The following SAP30L variants were observed in gnomAD, a reference collection of about 807,000 sequenced individuals.
SAP30L encodes the protein SAP30 like, also known as histone deacetylase complex subunit SAP30L.
Under a neutral mutation model 22.3 loss-of-function variants are expected in SAP30L, and 10 were observed. The ratio of observed to expected loss-of-function variants is 0.45; its 90% CI spans 0.28 to 0.76. The LOEUF is 0.76. Among genes scored for constraint, SAP30L ranks in the 30% least tolerant of loss-of-function variants. SAP30L has a pLI of 0.14. For missense variants in SAP30L, 206 were observed against 237.9 expected, an observed-to-expected ratio of 0.87 and a Z score of 0.88; for synonymous variants, 91 against 94.1, an observed-to-expected ratio of 0.97 and a Z score of 0.19.
rs181635579 is a variant in SAP30L at position 154,459,486 on chromosome 5, C to A, written c.*3458C>A. 1.1e-4 allele frequency: 17 copies of A among 152,362 alleles called. No homozygotes were observed. The East Asian group carries it at 2.9e-3, about 26-fold the overall frequency. 9.4% of individuals were successfully genotyped at this position (152,362 alleles called of 1,614,324 possible). On this transcript the variant is annotated 3_prime_UTR_variant, in exon 4 of 4. Transcript: ENST00000297109. ...CAAAGCACCTAATTGCTGGCACTGT[C>A]CCAAAGCATAGCGTTTGCCTTTTGG...
chr5:154,446,501 G>T lies in SAP30L; in HGVS notation c.-104G>T. On this transcript the variant is annotated 5_prime_UTR_variant, in exon 1 of 4. Transcript: ENST00000297109. ...CGCCCGGGCTGGAGACGGACTCTGG[G>T]ACCCTCGGCTGCGGGGGTCTCAGCG... 1 of 974,152 alleles carries T rather than the reference G, an allele frequency of 1.0e-6. No individual in the cohort carries two copies. The highest frequency in any genetic ancestry group is 1.4e-6 in the Non-Finnish European group (1 of 712,498). 60.3% of individuals were successfully genotyped at this position (974,152 alleles called of 1,614,324 possible).
chr5:154,446,499 G>A lies in SAP30L; in HGVS notation c.-106G>A. 2.1e-6 allele frequency: 2 copies of A among 957,984 alleles called. No homozygotes were observed. The highest frequency in any genetic ancestry group is 2.9e-6 in the Non-Finnish European group (2 of 698,008). The allele number at this position is 957,984 out of a possible 1,614,324, so 59.3% of individuals were successfully genotyped here. On this transcript the variant is annotated 5_prime_UTR_variant, in exon 1 of 4. Coordinates refer to ENST00000297109, the MANE Select transcript of SAP30L (RefSeq NM_024632.6). ...AGCGCCCGGGCTGGAGACGGACTCT[G>A]GGACCCTCGGCTGCGGGGGTCTCAG...
chr5:154,450,963 G>A, intron 1 of SAP30L, 128 bp from the exon 2 acceptor site: 7 of 961,684 alleles, frequency 7.3e-6, no homozygotes, highest in Non-Finnish European at 1.1e-5. Context: ...GGGAATGATG[G>A]CCTACATCTT....
In SAP30L at chr5:154,456,021, TTGAG is replaced by T. The variant is rs761434450; in HGVS notation, c.550_*1del. The T allele has an allele frequency of 6.2e-7, 1 of 1,613,794 alleles. No homozygotes were observed. Among genetic ancestry groups the T allele is most frequent in the South Asian group, 1.1e-5 (1 of 91,028 alleles). ...CAGAAATCGGAGGGTGGCAAGCAGC[TTGAG>T]TGAGGATGAAGCACATCTTAAAGGA... On this transcript the variant is annotated frameshift_variant, in exon 4 of 4. Coordinates refer to ENST00000297109, the MANE Select transcript of SAP30L (RefSeq NM_024632.6). LOFTEE classifies it high-confidence loss of function.
Position 154,457,510 on chromosome 5 carries a change from C to T in SAP30L, c.*1482C>T, listed in dbSNP as rs1757288449. The T allele has an allele frequency of 1.3e-5, 2 of 152,326 alleles. No individual in the cohort carries two copies. The highest frequency in any genetic ancestry group is 2.9e-5 in the Non-Finnish European group (2 of 68,034). 9.4% of individuals were successfully genotyped at this position (152,326 alleles called of 1,614,324 possible). On this transcript the variant is annotated 3_prime_UTR_variant, in exon 4 of 4. Transcript: ENST00000297109. ...AGATGACTTAATCTGAGCACCATCA[C>T]AGAGAAGTCAGGACTAAACCCCCTA...
At chr5:154,455,138 G>A (rs1757236432) in intron 3 of SAP30L, among the ~76,000 whole-genome samples, 1 of 152,072 alleles carries the variant, frequency 6.6e-6, no homozygotes. Context: ...GGCTGGTCTC[G>A]GACTCCTGAC....
In SAP30L at chr5:154,446,780, A is replaced by G; in HGVS notation, c.176A>G (p.Lys59Arg). ...GTCCAGAAGAGCATCTCGCAGAAGA[A>G]ACTCAAGCTGGACATCGACAAGAGC... The part of the protein sequence containing the change: ...KRVQKSISQK[K>R]LKLDIDKSVR... The change falls in exon 1 of 4, where the codon AAA becomes AGA. Residue 59 changes from lysine to arginine, a missense_variant. Lys to Arg is a conservative substitution (Grantham distance 26, BLOSUM62 2). Transcript: ENST00000297109. The G allele has an allele frequency of 1.9e-6, 3 of 1,603,798 alleles. No individual in the cohort carries two copies. The highest frequency in any genetic ancestry group is 2.5e-6 in the Non-Finnish European group (3 of 1,176,686).
At chr5:154,453,288 T>C in intron 2 of SAP30L, 114 bp from the exon 3 acceptor site, 1 of 714,162 alleles carries the variant, frequency 1.4e-6, no homozygotes, top group Non-Finnish European at 2.5e-6. Flanking sequence ...AGACCTCTTT[T>C]GAAGCCCTCC....
chr5:154,450,038 C>CT (rs575887064), intron 1 of SAP30L, among the ~76,000 whole-genome samples: 55 of 152,360 alleles, frequency 3.6e-4, no homozygotes, highest in Admixed American at 6.5e-4. Context: ...TTACTTTTAT[C>CT]TTTAAGGATT....
intron 1 of SAP30L, among the ~76,000 whole-genome samples, chr5:154,449,323 C>CT (rs1757090978): frequency 6.6e-6 from 1 of 151,514 alleles, no homozygotes; most frequent in African/African-American, 2.4e-5. Context: ...AAGACATGTA[C>CT]TGGGGGGGCA....
rs1425609087 is a variant in SAP30L, at chr5:154,460,768, G to C, written c.*4740G>C. 1 of 152,188 alleles carries C rather than the reference G, an allele frequency of 6.6e-6. No homozygotes were observed. Among genetic ancestry groups the C allele is most frequent in the Non-Finnish European group, 1.5e-5 (1 of 68,044 alleles). The allele number at this position is 152,188 out of a possible 1,614,324, so 9.4% of individuals were successfully genotyped here. A position where few individuals can be genotyped will look rare whatever the true frequency, so the allele number is the denominator to read the frequency against. On this transcript the variant is annotated 3_prime_UTR_variant, in exon 4 of 4. Transcript: ENST00000297109. Reference sequence around the variant, plus strand: ...TCTATTGTCTGCTACGCTCATCAGAGTATATTTTGGGGTACAAGGTTTTGG... The same window carrying C: ...TCTATTGTCTGCTACGCTCATCAGACTATATTTTGGGGTACAAGGTTTTGG...
In SAP30L at chr5:154,455,999, A is replaced by G. The variant is rs763874738; in HGVS notation, c.523A>G (p.Lys175Glu). Residue 175 changes from lysine to glutamate, a missense_variant, in exon 4 of 4, where the codon AAA becomes GAA. Lys to Glu is a moderately conservative substitution (Grantham distance 56). Transcript: ENST00000297109. Reference protein sequence around the residue: ...VKSNKSRLDQKSEGGKQLE With the variant: ...VKSNKSRLDQESEGGKQLE ...GAGTAACAAGAGTAGACTGGACCAG[A>G]AATCGGAGGGTGGCAAGCAGCTTGA... The G allele has an allele frequency of 3.1e-6, 5 of 1,613,978 alleles. No individual in the cohort carries two copies. The highest frequency in any genetic ancestry group is 4.2e-6 in the Non-Finnish European group (5 of 1,179,962).
Position 154,446,669 on chromosome 5 carries a change from C to T in SAP30L, c.65C>T (p.Ala22Val). 2 of 1,555,344 alleles carry T rather than the reference C, an allele frequency of 1.3e-6. No homozygotes were observed. The highest frequency in any genetic ancestry group is 2.4e-5 in the East Asian group (1 of 41,006). ...EGPPAAPAAA[A>V]PGYGQSCCLI... ...CCCCCCGCCGCCCCAGCTGCCGCCG[C>T]CCCGGGCTACGGCCAGAGCTGCTGC... The change falls in exon 1 of 4, where the codon GCC (alanine) becomes GTC (valine). Residue 22 changes from alanine to valine, a missense_variant. This residue lies in a region of SAP30L where 70 missense variants were observed against 50.5 expected (regional missense o/e 1.39). Transcript: ENST00000297109.
rs1561705979 is a variant in SAP30L at position 154,460,033 on chromosome 5, G to C, written c.*4005G>C. ...ATGGCATTATCAGAACCAACCTCTG[G>C]CCCTCTTGACCTGTCTAGCATTCTT... is the stretch of plus-strand genomic sequence containing the variant. On this transcript the variant is annotated 3_prime_UTR_variant, in exon 4 of 4. Transcript: ENST00000297109. 1 of 152,158 alleles carries C rather than the reference G, an allele frequency of 6.6e-6. No homozygotes were observed. Among genetic ancestry groups the C allele is most frequent in the Non-Finnish European group, 1.5e-5 (1 of 68,040 alleles). The allele number at this position is 152,158 out of a possible 1,614,324, so 9.4% of individuals were successfully genotyped here.
At chr5:154,450,967 A>T in intron 1 of SAP30L, 124 bp from the exon 2 acceptor site, 1 of 1,007,962 alleles carries the variant, frequency 9.9e-7, no homozygotes. Flanking sequence ...ATGATGGCCT[A>T]CATCTTGTCT....
chr5:154,452,942 A>C (rs1280790985), intron 2 of SAP30L: 1 of 154,476 alleles, frequency 6.5e-6, no homozygotes, highest in Non-Finnish European at 1.4e-5. Flanking sequence ...TCTTCCCAAC[A>C]ACCACCACCA....
intron 3 of SAP30L, among the ~76,000 whole-genome samples, chr5:154,454,772 A>G (rs757474606): frequency 6.6e-6 from 1 of 152,228 alleles, no homozygotes; most frequent in Non-Finnish European, 1.5e-5. Context: ...CTCATTACTT[A>G]TGGAATGAAG....
rs1173001811 is a variant in SAP30L, at chr5:154,451,088, C to A, written c.202-3C>A. 1 of 1,613,796 alleles carries A rather than the reference C, an allele frequency of 6.2e-7. No individual in the cohort carries two copies. Among genetic ancestry groups the A allele is most frequent in the Non-Finnish European group, 8.5e-7 (1 of 1,179,906 alleles). On this transcript the variant is annotated splice_region_variant and splice_polypyrimidine_tract_variant and intron_variant, in intron 1 of 3. Transcript: ENST00000297109. ...CTCTGACTTTGATTTTTGTCTCCAT[C>A]AGGTAAGGCACCTATATATCTGTGA...
At chr5:154,446,917 C>G (rs1037640692) in intron 1 of SAP30L, 112 bp downstream of exon 1, 3 of 869,294 alleles carry the variant, frequency 3.5e-6, no homozygotes, top group South Asian at 1.6e-5. Context: ...CTCGCCGCCC[C>G]GGCTCTGCAG....
Sources: allele counts gnomAD v4.1 joint callset (sites outside exome capture counted in the v4.1 genomes callset), GRCh38; gene constraint gnomAD v4.1.1; regional missense constraint gnomAD v4.1.1; transcripts MANE v1.5; gene names NCBI Gene and HGNC (gene_info 2026-07-23, HGNC 2026-07-21).